The following MTHFD1L variants were observed in gnomAD, a reference collection of about 807,000 sequenced individuals.
MTHFD1L encodes methylenetetrahydrofolate dehydrogenase (NADP+ dependent) 1 like.
In MTHFD1L, 81 loss-of-function variants were observed where a neutral mutation model predicts 119.5. The ratio of observed to expected loss-of-function variants is 0.68; its 90% CI spans 0.57 to 0.82. The LOEUF is 0.82. Among genes scored for constraint, MTHFD1L ranks in the 40% least tolerant of loss-of-function variants. The pLI, the probability that MTHFD1L is intolerant of heterozygous loss-of-function variation, is 0.00. For missense variants in MTHFD1L, 1,125 were observed against 1,253.4 expected, an observed-to-expected ratio of 0.90 and a Z score of 1.55; for synonymous variants, 430 against 475.2, an observed-to-expected ratio of 0.90 and a Z score of 1.24.
chr6:150,946,011 A>C (rs1562431258), intron 15 of MTHFD1L, among the ~76,000 whole-genome samples: 2 of 151,920 alleles, frequency 1.3e-5, no homozygotes, highest in East Asian at 1.9e-4. Context: ...CCATCTCTTA[A>C]AAAAAAATAA....
intron 9 of MTHFD1L, 111 bp from the exon 10 acceptor site, chr6:150,922,094 G>A (rs1039397563): frequency 2.9e-5 from 22 of 760,842 alleles, no homozygotes; most frequent in Middle Eastern, 4.8e-4. Flanking sequence ...CTTATTGTGC[G>A]ACTCGATAAT....
chr6:151,061,150 T>C (rs916495987), intron 26 of MTHFD1L, among the ~76,000 whole-genome samples: 6 of 152,110 alleles, frequency 3.9e-5, no homozygotes, highest in Non-Finnish European at 8.8e-5. Flanking sequence ...AGGCGGAAGA[T>C]AGTTGTGTTG....
At chr6:150,880,754 C>T (rs189133534) in intron 4 of MTHFD1L, among the ~76,000 whole-genome samples, 1 of 152,314 alleles carries the variant, frequency 6.6e-6, no homozygotes, top group Admixed American at 6.5e-5. Flanking sequence ...CACATATCCT[C>T]GCCAGCATTT....
At chr6:151,085,390 T>G (rs1562644410) in intron 26 of MTHFD1L, among the ~76,000 whole-genome samples, 1 of 152,202 alleles carries the variant, frequency 6.6e-6, no homozygotes, top group African/African-American at 2.4e-5. Context: ...GTAATTTTTA[T>G]AGTAATTGAA....
In MTHFD1L at chr6:150,971,995, G is replaced by A. The variant is rs1418077230; in HGVS notation, c.2062G>A (p.Gly688Ser). The A allele has an allele frequency of 6.2e-7, 1 of 1,614,054 alleles. No individual in the cohort carries two copies. Among genetic ancestry groups the A allele is most frequent in the Non-Finnish European group, 8.5e-7 (1 of 1,180,014 alleles). The change falls in exon 20 of 28, where the codon GGC becomes AGC. Residue 688 changes from glycine to serine, a missense_variant. Around this residue, in one of 3 missense-constraint regions of MTHFD1L, gnomAD observed 1,058 missense variants for 1,151.2 expected, o/e 0.92. Transcript: ENST00000367321. ...GGGCCCTTTTGCTAACATTGCTCAC[G>A]GCAACTCTTCAGTGTTGGCTGATAA... ...HAGPFANIAHGNSSVLADKIA... is the reference protein window; with the variant it reads ...HAGPFANIAHSNSSVLADKIA...
At chr6:151,059,773 G>A (rs1008974233) in intron 26 of MTHFD1L, among the ~76,000 whole-genome samples, 2 of 152,188 alleles carry the variant, frequency 1.3e-5, no homozygotes, top group Admixed American at 6.5e-5. Context: ...CTCTCTGCAC[G>A]GTGGGTCTGT....
At chr6:150,974,059 G>T (rs1293424028) in intron 20 of MTHFD1L, among the ~76,000 whole-genome samples, 5 of 152,180 alleles carry the variant, frequency 3.3e-5, no homozygotes, top group African/African-American at 1.2e-4. Context: ...TTTTCATGAG[G>T]ATGAAATCTG....
chr6:150,937,019 T>C, intron 12 of MTHFD1L, 79 bp downstream of exon 12: 2 of 1,531,818 alleles, frequency 1.3e-6, no homozygotes, highest in Non-Finnish European at 1.8e-6. Context: ...TGTCAACAGA[T>C]AAAGAGTTAA....
At chr6:150,899,802 T>G (rs1784822693) in intron 7 of MTHFD1L, among the ~76,000 whole-genome samples, 1 of 151,766 alleles carries the variant, frequency 6.6e-6, no homozygotes, top group Admixed American at 6.6e-5. Context: ...GGAAACTCCA[T>G]CTCTACTAAA....
chr6:150,909,716 A>C (rs898715926), intron 8 of MTHFD1L, among the ~76,000 whole-genome samples: 2 of 152,238 alleles, frequency 1.3e-5, no homozygotes, highest in East Asian at 3.8e-4. Flanking sequence ...AGGCTCAGAA[A>C]ACAGTATCAA....
chr6:150,876,932 AAAGAC>A (rs1780550311), intron 2 of MTHFD1L, among the ~76,000 whole-genome samples: 1 of 152,222 alleles, frequency 6.6e-6, no homozygotes, highest in African/African-American at 2.4e-5. Context: ...TGTTACAAAG[AAAGAC>A]AAGTTAGAAC....
At chr6:151,068,891 G>C (rs1400218238) in intron 26 of MTHFD1L, among the ~76,000 whole-genome samples, 1 of 152,160 alleles carries the variant, frequency 6.6e-6, no homozygotes, top group African/African-American at 2.4e-5. Context: ...TGCACAGCCT[G>C]ATTTCTTTTG....
At chr6:151,009,359 C>G (rs1322399119) in intron 20 of MTHFD1L, among the ~76,000 whole-genome samples, 5 of 151,782 alleles carry the variant, frequency 3.3e-5, no homozygotes, top group Admixed American at 1.3e-4. Context: ...ATGGTGAAAC[C>G]CCATCTCTAC....
intron 26 of MTHFD1L, chr6:151,041,864 T>G (rs1311450984): frequency 1.9e-6 from 1 of 527,914 alleles, no homozygotes; most frequent in Non-Finnish European, 3.9e-6. Flanking sequence ...CCAGCATTGC[T>G]GGCTTTGGAA....
chr6:150,976,842 G>C (rs538356105), intron 20 of MTHFD1L, among the ~76,000 whole-genome samples: 3 of 150,414 alleles, frequency 2.0e-5, no homozygotes, highest in Middle Eastern at 3.4e-3. Context: ...TAGAGAATTT[G>C]AAAAGGTGAT....
At chr6:150,883,449 C>T (rs773332808) in intron 5 of MTHFD1L, among the ~76,000 whole-genome samples, 4 of 152,118 alleles carry the variant, frequency 2.6e-5, no homozygotes, top group African/African-American at 4.8e-5. Context: ...TAATAAATTC[C>T]GGTCTGACTT....
intron 13 of MTHFD1L, among the ~76,000 whole-genome samples, chr6:150,944,124 C>T (rs1386953738): frequency 6.6e-6 from 1 of 152,160 alleles, no homozygotes; most frequent in Non-Finnish European, 1.5e-5. Context: ...TTCCTATAGA[C>T]TCAGCTCATT....
At chr6:150,991,320 G>A (rs563608426) in intron 20 of MTHFD1L, among the ~76,000 whole-genome samples, 1 of 150,048 alleles carries the variant, frequency 6.7e-6, no homozygotes, top group East Asian at 2.2e-4. Context: ...ATAGATAAAT[G>A]TATACATGGA....
intron 22 of MTHFD1L, among the ~76,000 whole-genome samples, chr6:151,014,621 G>A (rs925646511): frequency 3.9e-5 from 6 of 152,258 alleles, no homozygotes; most frequent in African/African-American, 1.4e-4. Flanking sequence ...GAGCATGGGC[G>A]CATTGCATAG....
Sources: gnomAD v4.1 joint callset for allele counts (sites outside exome capture counted in the v4.1 genomes callset) on GRCh38, gnomAD v4.1.1 for gene constraint, gnomAD v4.1.1 regional missense constraint, MANE v1.5 for transcripts, NCBI Gene and HGNC (gene_info 2026-07-23, HGNC 2026-07-21) for gene names.